FUT8: variants seen among roughly 807,000 people sequenced by gnomAD.
The protein encoded by FUT8 is fucosyltransferase 8.
FUT8 carries 29 observed loss-of-function variants against 71.3 expected under a neutral mutation model. The observed-to-expected ratio is 0.41, with a 90% CI of 0.30 to 0.55. FUT8 has a LOEUF of 0.55. Among genes scored for constraint, FUT8 ranks in the 20% least tolerant of loss-of-function variants. The pLI, the probability that FUT8 is intolerant of heterozygous loss-of-function variation, is 0.34. For missense variants in FUT8, 544 were observed against 702.1 expected (o/e 0.77, Z 2.55); for synonymous variants, 254 against 239.3 (o/e 1.06, Z -0.57).
chr14:65,622,910 G>GTTT (rs33918554), intron 5 of FUT8, among the ~76,000 whole-genome samples: 6,457 of 128,706 alleles, frequency 0.05, 437 homozygotes, highest in African/African-American at 0.12. Context: ...GAGCTTCTCT[G>GTTT]TTTTTTTTTT....
intron 7 of FUT8, among the ~76,000 whole-genome samples, chr14:65,685,768 A>G (rs1188262789): frequency 6.6e-6 from 1 of 152,194 alleles, no homozygotes; most frequent in African/African-American, 2.4e-5. Context: ...TGATGTTGCC[A>G]TGGCATTTGT....
chr14:65,523,607 T>C (rs185290267), intron 2 of FUT8, among the ~76,000 whole-genome samples: 2 of 152,372 alleles, frequency 1.3e-5, no homozygotes, highest in African/African-American at 4.8e-5. Flanking sequence ...TTTTGGCTTT[T>C]GTTGCCATTG....
intron 7 of FUT8, among the ~76,000 whole-genome samples, chr14:65,692,233 G>C (rs1433364416): frequency 4.0e-5 from 6 of 150,922 alleles, no homozygotes; most frequent in South Asian, 2.1e-4. Context: ...GCGGGGGGCT[G>C]ACCCCCCCAC....
chr14:65,625,833 T>C (rs1025413464), intron 5 of FUT8, among the ~76,000 whole-genome samples: 2 of 152,256 alleles, frequency 1.3e-5, no homozygotes. Flanking sequence ...TTATCACGTA[T>C]TCTCTGTTAA....
chr14:65,548,967 A>G (rs1313668149), intron 2 of FUT8, among the ~76,000 whole-genome samples: 1 of 152,216 alleles, frequency 6.6e-6, no homozygotes, highest in East Asian at 1.9e-4. Flanking sequence ...TAAGCACATG[A>G]AAAGATGGCC....
intron 7 of FUT8, among the ~76,000 whole-genome samples, chr14:65,707,042 C>G (rs1455158861): frequency 6.6e-6 from 1 of 152,068 alleles, no homozygotes; most frequent in East Asian, 1.9e-4. Context: ...AATGGCAGGG[C>G]TCTCTTGATT....
chr14:65,400,511 C>T, the FUT8 span, among the ~76,000 whole-genome samples: 1 of 152,112 alleles, frequency 6.6e-6, no homozygotes, highest in African/African-American at 2.4e-5. Context: ...CTTCTGTTGC[C>T]ATTATTTATA....
chr14:65,742,679 C>T lies in FUT8; in HGVS notation c.*269C>T, dbSNP rs1177044361. On this transcript the variant is annotated 3_prime_UTR_variant, in exon 11 of 11. Coordinates refer to ENST00000673929, the MANE Select transcript of FUT8 (RefSeq NM_001371533.1). ...CAAACAGGTTGTTTTCTACTTTGCC[C>T]CTTTCAGTATGTCCCCATAAGACAA... The T allele has an allele frequency of 5.6e-6, 2 of 356,818 alleles. No homozygotes were observed. Among genetic ancestry groups the T allele is most frequent in the Non-Finnish European group, 1.0e-5 (2 of 194,552 alleles). 22.1% of individuals were successfully genotyped at this position (356,818 alleles called of 1,614,324 possible).
intron 1 of FUT8, among the ~76,000 whole-genome samples, chr14:65,451,501 C>A (rs1411562136): frequency 1.3e-5 from 2 of 152,172 alleles, no homozygotes; most frequent in African/African-American, 2.4e-5. Flanking sequence ...CTCAGTGGAC[C>A]CTTTGCCTTC....
intron 2 of FUT8, chr14:65,468,148 C>A (rs943544352): frequency 2.7e-5 from 17 of 640,400 alleles, no homozygotes; most frequent in Non-Finnish European, 4.4e-5. Flanking sequence ...TTGGGTAACA[C>A]TGCAGACTCT....
intron 1 of FUT8, among the ~76,000 whole-genome samples, chr14:65,415,621 A>G (rs1015248722): frequency 2.0e-5 from 3 of 151,930 alleles, no homozygotes; most frequent in East Asian, 1.9e-4. Flanking sequence ...GTAGAATCTT[A>G]TATGGGCGAA....
At chr14:65,700,381 G>GTTTTTTTTTTTTTTTTTTTT (rs763718984) in intron 7 of FUT8, among the ~76,000 whole-genome samples, 1 of 48,848 alleles carries the variant, frequency 2.0e-5, no homozygotes, top group Non-Finnish European at 3.5e-5. Context: ...CTTTCTTTCT[G>GTTTTTTTTTTTTTTTTTTTT]TTTTTTTTTT....
In FUT8 at chr14:65,513,983, G is replaced by T. The variant is rs568989969; in HGVS notation, c.-227-47354G>T. Among the ~76,000 whole-genome samples the T allele has an allele frequency of 4.6e-5, 7 of 152,322 alleles. No individual in the cohort carries two copies. In the East Asian group the frequency reaches 1.3e-3, roughly 29 times the overall value. On this transcript the variant is annotated intron_variant, in intron 2 of 10. Transcript: ENST00000673929. ...ATCTTCGCTTCAGGGCACAATTTTA[G>T]CATTAAAATGAGGTGGAATTCAGCT...
intron 2 of FUT8, among the ~76,000 whole-genome samples, chr14:65,486,457 T>A (rs140593308): frequency 6.6e-6 from 1 of 152,340 alleles, no homozygotes; most frequent in Non-Finnish European, 1.5e-5. Flanking sequence ...TACTTAAGCC[T>A]TATTGGTGAA....
intron 3 of FUT8, among the ~76,000 whole-genome samples, chr14:65,562,516 G>C (rs1244582403): frequency 6.6e-6 from 1 of 152,072 alleles, no homozygotes; most frequent in African/African-American, 2.4e-5. Flanking sequence ...CAGGGAGCAA[G>C]TAAACATAAT....
chr14:65,553,055 A>C (rs1004234662), intron 2 of FUT8, among the ~76,000 whole-genome samples: 2 of 152,134 alleles, frequency 1.3e-5, no homozygotes, highest in Non-Finnish European at 2.9e-5. Context: ...TCCAGGGCTC[A>C]AGTGATCCTC....
At chr14:65,702,081 C>G (rs567194136) in intron 7 of FUT8, among the ~76,000 whole-genome samples, 1 of 152,328 alleles carries the variant, frequency 6.6e-6, no homozygotes, top group African/African-American at 2.4e-5. Flanking sequence ...CGTGGTGGCT[C>G]ACGCCTGTAA....
intron 7 of FUT8, among the ~76,000 whole-genome samples, chr14:65,689,104 T>C (rs1398034997): frequency 1.3e-5 from 2 of 152,246 alleles, no homozygotes; most frequent in African/African-American, 2.4e-5. Flanking sequence ...ACAGTGATTA[T>C]ACCATTTGGC....
At chr14:65,611,275 ACACACACACACACACACACACACACACC>A (rs1566851420) in intron 3 of FUT8, among the ~76,000 whole-genome samples, 2,166 of 56,646 alleles carry the variant, frequency 0.038, 284 homozygotes, top group Admixed American at 0.047. Context: ...ACACACACAC[ACACACACACACACACACACACACACACC>A]CCCCAAGTAA....
Sources: gnomAD v4.1 joint callset for allele counts (sites outside exome capture counted in the v4.1 genomes callset) on GRCh38, gnomAD v4.1.1 for gene constraint, MANE v1.5 for transcripts, NCBI Gene and HGNC (gene_info 2026-07-23, HGNC 2026-07-21) for gene names.